TTLL5: variants seen among roughly 807,000 people sequenced by gnomAD.
TTLL5 encodes the protein tubulin tyrosine ligase like 5, also known as tubulin polyglutamylase TTLL5.
In TTLL5, 132 loss-of-function variants were observed where a neutral mutation model predicts 168.4. The ratio of observed to expected loss-of-function variants is 0.78; its 90% CI spans 0.68 to 0.91. TTLL5 has a LOEUF of 0.91. Among genes scored for constraint, TTLL5 ranks in the 40% least tolerant of loss-of-function variants. The pLI is 0.00. For missense variants in TTLL5, 1,545 were observed against 1,581.5 expected (o/e 0.98, Z 0.39); for synonymous variants, 546 against 558.6 (o/e 0.98, Z 0.32).
intron 29 of TTLL5, among the ~76,000 whole-genome samples, chr14:75,881,995 C>T (rs2031840198): frequency 6.6e-6 from 1 of 152,126 alleles, no homozygotes; most frequent in Non-Finnish European, 1.5e-5. Flanking sequence ...GCAAAAATAT[C>T]CATTTGTCGA....
chr14:75,755,712 T>C (rs1166364503), intron 18 of TTLL5, among the ~76,000 whole-genome samples: 2 of 152,176 alleles, frequency 1.3e-5, no homozygotes, highest in African/African-American at 4.8e-5. Context: ...AGATTGTGTT[T>C]GTAGCAAGTC....
intron 27 of TTLL5, among the ~76,000 whole-genome samples, chr14:75,798,379 GTTTA>G (rs969683595): frequency 1.6e-4 from 24 of 147,838 alleles, no homozygotes; most frequent in African/African-American, 5.7e-4. Context: ...TGTCAATTTT[GTTTA>G]TTTATTTTTT....
At chr14:75,737,254 G>A (rs1449467379) in intron 15 of TTLL5, among the ~76,000 whole-genome samples, 1 of 152,224 alleles carries the variant, frequency 6.6e-6, no homozygotes, top group Non-Finnish European at 1.5e-5. Flanking sequence ...TAAAGGAACT[G>A]TAGATTGGTC....
At chr14:75,941,078 A>T (rs899811701) in intron 31 of TTLL5, among the ~76,000 whole-genome samples, 1 of 152,212 alleles carries the variant, frequency 6.6e-6, no homozygotes, top group Admixed American at 6.5e-5. Flanking sequence ...TGCATTACTC[A>T]TGAGAAATTA....
intron 28 of TTLL5, among the ~76,000 whole-genome samples, chr14:75,853,269 A>C (rs774371985): frequency 2.0e-5 from 3 of 152,066 alleles, no homozygotes; most frequent in African/African-American, 7.2e-5. Context: ...GACTAACATG[A>C]TTTTCATCAC....
chr14:75,769,303 A>G (rs143201749), intron 20 of TTLL5, among the ~76,000 whole-genome samples: 109 of 152,304 alleles, frequency 7.2e-4, no homozygotes, highest in African/African-American at 2.4e-3. Context: ...AAGTCCACGC[A>G]CAGCCAGGGT....
chr14:75,848,989 G>A (rs1412309426), intron 28 of TTLL5, among the ~76,000 whole-genome samples: 2 of 152,194 alleles, frequency 1.3e-5, no homozygotes, highest in Non-Finnish European at 2.9e-5. Context: ...AACAGCAGAA[G>A]TCTGGTTCAC....
At chr14:75,823,318 A>G (rs1454965317) in intron 28 of TTLL5, among the ~76,000 whole-genome samples, 3 of 152,316 alleles carry the variant, frequency 2.0e-5, no homozygotes, top group South Asian at 2.1e-4. Context: ...GAGCCATCTC[A>G]TCATTACTGC....
Position 75,792,825 on chromosome 14 carries a change from G to A in TTLL5, c.2987-91G>A, listed in dbSNP as rs1892800983. 1.4e-5 allele frequency: 16 copies of A among 1,143,530 alleles called. No homozygotes were observed. The South Asian group carries it at 3.0e-4, about 21-fold the overall frequency. 70.8% of individuals were successfully genotyped at this position (1,143,530 alleles called of 1,614,324 possible). On this transcript the variant is annotated intron_variant, in intron 26 of 31. Transcript: ENST00000298832. ...TTAAAGATCCTTAGGGTTCAGTAAA[G>A]TATCTGTTGACCTGAGATTTCTGTC... is the stretch of plus-strand genomic sequence containing the variant.
intron 21 of TTLL5, 127 bp downstream of exon 21, chr14:75,771,981 GTT>G: frequency 9.3e-7 from 1 of 1,078,268 alleles, no homozygotes; most frequent in Non-Finnish European, 1.3e-6. Flanking sequence ...ATGTAAGAAG[GTT>G]TTTAGATTTC....
intron 31 of TTLL5, chr14:75,906,485 T>A: frequency 1.0e-6 from 1 of 980,832 alleles, no homozygotes; most frequent in Non-Finnish European, 1.2e-6. Context: ...TAGTTTCAGA[T>A]TTTACCTTGT....
chr14:75,850,038 G>A (rs1018172581), intron 28 of TTLL5, among the ~76,000 whole-genome samples: 4 of 151,630 alleles, frequency 2.6e-5, no homozygotes, highest in Admixed American at 1.3e-4. Context: ...CCCAGGAGGC[G>A]GAGGTTGCAG....
chr14:75,846,544 A>G (rs917692638), intron 28 of TTLL5, among the ~76,000 whole-genome samples: 4 of 152,200 alleles, frequency 2.6e-5, no homozygotes, highest in African/African-American at 4.8e-5. Flanking sequence ...TAATCCTAGC[A>G]CTTTGGGAGG....
chr14:75,890,439 A>G (rs1428094831), intron 30 of TTLL5, among the ~76,000 whole-genome samples: 1 of 152,216 alleles, frequency 6.6e-6, no homozygotes, highest in East Asian at 1.9e-4. Context: ...AACATAAGAA[A>G]AATACTTTAA....
chr14:75,667,102 C>T lies in TTLL5; in HGVS notation c.75-2314C>T, dbSNP rs894389395. Among the ~76,000 whole-genome samples, 5 of 152,066 alleles carry T rather than the reference C, an allele frequency of 3.3e-5. No homozygotes were observed. The East Asian group carries it at 9.7e-4, about 29-fold the overall frequency. ...TTTAGCTGACCTTACTGTTTACTCTCTCTTTTATCTTTCCATGGGTTGGAA... is the reference window on the plus strand; with the variant it reads ...TTTAGCTGACCTTACTGTTTACTCTTTCTTTTATCTTTCCATGGGTTGGAA... On this transcript the variant is annotated intron_variant, in intron 2 of 31. Coordinates refer to ENST00000298832, the MANE Select transcript of TTLL5 (RefSeq NM_015072.5).
chr14:75,838,590 G>A (rs893388398), intron 28 of TTLL5: 17 of 152,342 alleles, frequency 1.1e-4, no homozygotes, highest in African/African-American at 4.1e-4. Context: ...AGATCTTGGA[G>A]GTGGCATCAA....
intron 27 of TTLL5, among the ~76,000 whole-genome samples, chr14:75,810,917 G>T (rs1453081571): frequency 3.3e-5 from 5 of 151,966 alleles, no homozygotes; most frequent in Non-Finnish European, 2.9e-5. Flanking sequence ...TCAGGGCACA[G>T]CAAGAGCAAC....
Position 75,776,997 on chromosome 14 carries a change from A to T in TTLL5, c.2387+147A>T, listed in dbSNP as rs80026914. ...CACAGTGGCACACCCCTTTAGTTCTAGTTACTTGGGAGCCTGAGGCAGGAG... is the reference window on the plus strand; with the variant it reads ...CACAGTGGCACACCCCTTTAGTTCTTGTTACTTGGGAGCCTGAGGCAGGAG... On this transcript the variant is annotated intron_variant, in intron 23 of 31. Transcript: ENST00000298832. 2.9e-3 allele frequency: 1,855 copies of T among 647,732 alleles called. 41 individuals carry two copies. The African/African-American group carries it at 0.031, about 11-fold the overall frequency. The allele number at this position is 647,732 out of a possible 1,614,324, so 40.1% of individuals were successfully genotyped here. A position where few individuals can be genotyped will look rare whatever the true frequency, so the allele number is the denominator to read the frequency against.
intron 31 of TTLL5, among the ~76,000 whole-genome samples, chr14:75,928,384 TTACTC>T (rs1160529175): frequency 5.6e-5 from 8 of 141,612 alleles, no homozygotes; most frequent in South Asian, 2.2e-4. Flanking sequence ...TATTTCTGCT[TTACTC>T]TATCATTTCC....
Sources: allele counts gnomAD v4.1 joint callset (sites outside exome capture counted in the v4.1 genomes callset), GRCh38; gene constraint gnomAD v4.1.1; transcripts MANE v1.5; gene names NCBI Gene and HGNC (gene_info 2026-07-23, HGNC 2026-07-21).